The following CDH12 variants were observed in gnomAD, a reference collection of about 807,000 sequenced individuals.
CDH12 encodes cadherin-12.
A neutral mutation model predicts 74.1 loss-of-function variants in CDH12; 41 were observed. The ratio of observed to expected loss-of-function variants is 0.55; its 90% CI spans 0.43 to 0.72. The LOEUF (loss-of-function observed/expected upper bound fraction) is 0.72, where lower values mean the gene tolerates loss of function less well. CDH12 is among the 30% of genes least tolerant of loss of function. CDH12 has a pLI of 0.00. For synonymous variants in CDH12, 399 were observed against 355.0 expected, an observed-to-expected ratio of 1.12 and a Z score of -1.39; for missense variants, 945 against 977.2, an observed-to-expected ratio of 0.97 and a Z score of 0.44.
intron 1 of CDH12, among the ~76,000 whole-genome samples, chr5:22,607,123 A>T (rs1561524433): frequency 6.6e-6 from 1 of 152,196 alleles, no homozygotes; most frequent in Non-Finnish European, 1.5e-5. Flanking sequence ...GAGGAAGAAG[A>T]GCATAAACGT....
intron 1 of CDH12, among the ~76,000 whole-genome samples, chr5:22,706,386 TA>T: frequency 6.6e-6 from 1 of 152,046 alleles, no homozygotes; most frequent in Admixed American, 6.6e-5. Context: ...AATTCATTCA[TA>T]AATCATTATG....
intron 1 of CDH12, among the ~76,000 whole-genome samples, chr5:22,605,972 T>C (rs1737095959): frequency 1.3e-5 from 2 of 152,198 alleles, no homozygotes; most frequent in Admixed American, 6.5e-5. Flanking sequence ...CATGGGCAAG[T>C]GCTGCTGAGC....
intron 5 of CDH12, among the ~76,000 whole-genome samples, chr5:22,032,755 A>G (rs1481219770): frequency 8.1e-6 from 1 of 122,710 alleles, no homozygotes; most frequent in Non-Finnish European, 1.6e-5. Flanking sequence ...ACATATTTAT[A>G]TATATTTTAT....
chr5:22,584,344 T>C (rs1328756150), intron 1 of CDH12, among the ~76,000 whole-genome samples: 2 of 152,146 alleles, frequency 1.3e-5, no homozygotes, highest in African/African-American at 4.8e-5. Flanking sequence ...AGGTGATCCA[T>C]CTGCCTCGGC....
intron 5 of CDH12, among the ~76,000 whole-genome samples, chr5:21,977,884 A>G (rs1757137388): frequency 6.6e-6 from 1 of 152,198 alleles, no homozygotes; most frequent in Non-Finnish European, 1.5e-5. Flanking sequence ...TTATTACATG[A>G]TAATACCTTA....
At chr5:22,143,568 C>T (rs916819232) in intron 4 of CDH12, 2 of 151,994 alleles carry the variant, frequency 1.3e-5, no homozygotes, top group Admixed American at 6.6e-5. Flanking sequence ...AAGGTTTCAC[C>T]ATCTTGGTCA....
At chr5:22,694,572 AT>A (rs1742250799) in intron 1 of CDH12, among the ~76,000 whole-genome samples, 2 of 151,938 alleles carry the variant, frequency 1.3e-5, no homozygotes, top group East Asian at 1.9e-4. Context: ...TTTCTTATAA[AT>A]TTTTTTACAA....
At chr5:22,471,047 A>G (rs1207211430) in intron 2 of CDH12, among the ~76,000 whole-genome samples, 2 of 151,748 alleles carry the variant, frequency 1.3e-5, no homozygotes, top group Non-Finnish European at 2.9e-5. Context: ...TCCCTCTCTC[A>G]CTTTCAAAGG....
intron 6 of CDH12, among the ~76,000 whole-genome samples, chr5:21,865,755 T>G (rs1561253920): frequency 1.3e-5 from 2 of 152,098 alleles, no homozygotes; most frequent in Non-Finnish European, 2.9e-5. Flanking sequence ...GTTAAAAGAA[T>G]GTCACAGAAA....
chr5:22,265,763 C>T (rs112962025), intron 3 of CDH12, among the ~76,000 whole-genome samples: 42 of 152,184 alleles, frequency 2.8e-4, no homozygotes, highest in East Asian at 1.2e-3. Flanking sequence ...AAAAGAAGTG[C>T]TTCCCATTCT....
intron 1 of CDH12, among the ~76,000 whole-genome samples, chr5:22,506,019 C>A (rs563119037): frequency 3.7e-4 from 56 of 152,216 alleles, no homozygotes; most frequent in African/African-American, 1.3e-3. Flanking sequence ...GGTCAGCCGA[C>A]TGGAGTCCTT....
chr5:22,360,925 G>A (rs1436253650), intron 3 of CDH12, among the ~76,000 whole-genome samples: 1 of 152,090 alleles, frequency 6.6e-6, no homozygotes, highest in East Asian at 1.9e-4. Flanking sequence ...TTGATGGGAT[G>A]TATCTCAAAA....
At position 21,880,568 on chromosome 5, in the gene CDH12, TTTCTTTCC is replaced by T. The variant is rs1188400571; in HGVS notation, c.527-25786_527-25779del. The stretch of plus-strand genomic sequence containing the variant: ...CTTCCTTCCTTCCTTCCTTCCCTTC[TTTCTTTCC>T]TTCCTTCCTTCCTTCCTTCCTTCCT... On this transcript the variant is annotated intron_variant, in intron 6 of 14. Coordinates refer to ENST00000382254, the MANE Select transcript of CDH12 (RefSeq NM_004061.5). 3.8e-3 allele frequency among the ~76,000 whole-genome samples: 58 copies of T among 15,292 alleles called. 2 individuals carry two copies. Among genetic ancestry groups the T allele is most frequent in the African/African-American group, 6.6e-3 (52 of 7,828 alleles). The allele number at this position is 15,292 out of a possible 152,430, so 10.0% of individuals were successfully genotyped here. A position where few individuals can be genotyped will look rare whatever the true frequency, so the allele number is the denominator to read the frequency against.
At chr5:22,478,703 A>G (rs184256671) in intron 2 of CDH12, among the ~76,000 whole-genome samples, 80 of 151,994 alleles carry the variant, frequency 5.3e-4, no homozygotes, top group African/African-American at 1.6e-3. Context: ...AGGGGAAAAA[A>G]GCCCCATCAT....
intron 3 of CDH12, among the ~76,000 whole-genome samples, chr5:22,328,744 T>C (rs1024990909): frequency 2.6e-5 from 4 of 152,072 alleles, no homozygotes; most frequent in Non-Finnish European, 5.9e-5. Context: ...AGTGAAAAAA[T>C]ATAACAAGAG....
At chr5:22,342,963 C>T (rs1739941114) in intron 3 of CDH12, among the ~76,000 whole-genome samples, 1 of 151,934 alleles carries the variant, frequency 6.6e-6, no homozygotes, top group Non-Finnish European at 1.5e-5. Flanking sequence ...ATTCTTGTGT[C>T]TCTGCCTCAG....
At chr5:21,820,508 T>C (rs1579765862) in intron 8 of CDH12, among the ~76,000 whole-genome samples, 1 of 151,974 alleles carries the variant, frequency 6.6e-6, no homozygotes, top group Admixed American at 6.6e-5. Context: ...AATGCAAATA[T>C]ACAGAGCAAT....
At chr5:22,535,156 T>C (rs867327644) in intron 1 of CDH12, among the ~76,000 whole-genome samples, 16,991 of 131,192 alleles carry the variant, frequency 0.13, 1,711 homozygotes, top group East Asian at 0.34. Context: ...TTTTTTTTTT[T>C]TCTTTTTTTT....
At chr5:22,342,772 CACTTCCTT>C (rs1212100665) in intron 3 of CDH12, among the ~76,000 whole-genome samples, 2 of 135,660 alleles carry the variant, frequency 1.5e-5, no homozygotes, top group East Asian at 2.3e-4. Context: ...CTCCCTTCCT[CACTTCCTT>C]CCTTCCCTCC....
Sources: gnomAD v4.1 joint callset for allele counts (sites outside exome capture counted in the v4.1 genomes callset) on GRCh38, gnomAD v4.1.1 for gene constraint, MANE v1.5 for transcripts, NCBI Gene and HGNC (gene_info 2026-07-23, HGNC 2026-07-21) for gene names.